The following FRMD3 variants were observed in gnomAD, a reference collection of about 807,000 sequenced individuals.
FRMD3 encodes the protein FERM domain containing 3, also known as FERM domain-containing protein 3.
In FRMD3, 33 loss-of-function variants were observed where a neutral mutation model predicts 70.2. That is an observed-to-expected ratio of 0.47 (90% CI 0.36 to 0.63). FRMD3 has a LOEUF of 0.63. Among genes scored for constraint, FRMD3 ranks in the 20% least tolerant of loss-of-function variants. FRMD3 has a pLI of 0.00. For missense variants in FRMD3, 632 were observed against 711.4 expected, an observed-to-expected ratio of 0.89 and a Z score of 1.27; for synonymous variants, 279 against 255.9, an observed-to-expected ratio of 1.09 and a Z score of -0.86.
chr9:83,482,227 T>C (rs934846944), intron 1 of FRMD3, among the ~76,000 whole-genome samples: 1 of 152,182 alleles, frequency 6.6e-6, no homozygotes, highest in East Asian at 1.9e-4. Flanking sequence ...TTTGAAAACT[T>C]TGAAGAATAT....
chr9:83,445,814 AG>A (rs1229925115), intron 1 of FRMD3, among the ~76,000 whole-genome samples: 2 of 152,318 alleles, frequency 1.3e-5, no homozygotes, highest in Non-Finnish European at 2.9e-5. Context: ...ATATAAGAAA[AG>A]GGGTGAGAAC....
chr9:83,395,616 G>C (rs1825791457), intron 1 of FRMD3, among the ~76,000 whole-genome samples: 1 of 152,094 alleles, frequency 6.6e-6, no homozygotes, highest in Non-Finnish European at 1.5e-5. Flanking sequence ...GTTTGCTAAG[G>C]ATAACTTTCC....
intron 1 of FRMD3, among the ~76,000 whole-genome samples, chr9:83,464,472 T>C (rs1828063772): frequency 6.6e-6 from 1 of 152,176 alleles, no homozygotes; most frequent in Non-Finnish European, 1.5e-5. Flanking sequence ...CTCTTTGCTC[T>C]AACAGCAAAT....
At chr9:83,576,661 G>A in the FRMD3 span, among the ~76,000 whole-genome samples, 3 of 151,958 alleles carry the variant, frequency 2.0e-5, no homozygotes, top group African/African-American at 4.8e-5. Context: ...AATAGTAAAA[G>A]ATTAAATACT....
At chr9:83,373,941 A>G (rs1250316209) in intron 2 of FRMD3, among the ~76,000 whole-genome samples, 1 of 152,096 alleles carries the variant, frequency 6.6e-6, no homozygotes, top group African/African-American at 2.4e-5. Context: ...TGTTATCCAT[A>G]TTCTTTGATG....
intron 1 of FRMD3, among the ~76,000 whole-genome samples, chr9:83,458,821 A>G (rs1433778077): frequency 2.6e-5 from 4 of 152,372 alleles, no homozygotes; most frequent in South Asian, 2.1e-4. Flanking sequence ...AACAGACACT[A>G]AATGAAAAAA....
chr9:83,511,335 G>C (rs764302241), intron 1 of FRMD3, among the ~76,000 whole-genome samples: 44 of 152,324 alleles, frequency 2.9e-4, no homozygotes, highest in Admixed American at 9.1e-4. Flanking sequence ...GAAGCTCAGA[G>C]AGGGCCCAGA....
At chr9:83,495,110 AT>A (rs1210038739) in intron 1 of FRMD3, among the ~76,000 whole-genome samples, 1 of 152,092 alleles carries the variant, frequency 6.6e-6, no homozygotes, top group Non-Finnish European at 1.5e-5. Flanking sequence ...CTCCCTCTAC[AT>A]TTATCTTTGT....
Position 83,506,353 on chromosome 9 carries a change from G to GCAATTTCATTGTA in FRMD3, c.147+31719_147+31731dup, listed in dbSNP as rs536542015. Among the ~76,000 whole-genome samples, 62 of 152,242 alleles carry GCAATTTCATTGTA rather than the reference G, an allele frequency of 4.1e-4. No homozygotes were observed. In the East Asian group the frequency reaches 0.011, roughly 26 times the overall value. On this transcript the variant is annotated intron_variant, in intron 1 of 13. Transcript: ENST00000304195. ...TACATTCTGAGAAATATGTTGTTAG[G>GCAATTTCATTGTA]CAATTTCATTGTACAAACCCAGCTG... is the stretch of plus-strand genomic sequence containing the variant.
intron 1 of FRMD3, among the ~76,000 whole-genome samples, chr9:83,501,822 G>T (rs1829075835): frequency 6.6e-6 from 1 of 152,158 alleles, no homozygotes; most frequent in African/African-American, 2.4e-5. Context: ...ATGAAGAGAT[G>T]CATCTGATTA....
At chr9:83,379,268 C>T (rs1587795135) in intron 2 of FRMD3, among the ~76,000 whole-genome samples, 2 of 152,240 alleles carry the variant, frequency 1.3e-5, no homozygotes, top group East Asian at 1.9e-4. Context: ...AGATGGATTA[C>T]ACTTGAGGGA....
intron 1 of FRMD3, among the ~76,000 whole-genome samples, chr9:83,471,590 G>T (rs544632498): frequency 3.3e-5 from 5 of 152,290 alleles, no homozygotes; most frequent in African/African-American, 9.6e-5. Context: ...CAAAGGAAGA[G>T]AGAGCATCAG....
intron 2 of FRMD3, among the ~76,000 whole-genome samples, chr9:83,373,281 T>C (rs2131258692): frequency 6.6e-6 from 1 of 152,336 alleles, no homozygotes; most frequent in Admixed American, 6.5e-5. Flanking sequence ...TGCATGGTTC[T>C]GTGAAAGCCG....
intron 1 of FRMD3, among the ~76,000 whole-genome samples, chr9:83,425,962 T>G (rs1339394386): frequency 1.4e-5 from 2 of 148,052 alleles, no homozygotes; most frequent in Non-Finnish European, 3.0e-5. Flanking sequence ...AGAACAGGGC[T>G]AGAAGAGGAA....
chr9:83,401,718 G>A (rs1825955557), intron 1 of FRMD3, among the ~76,000 whole-genome samples: 1 of 152,224 alleles, frequency 6.6e-6, no homozygotes, highest in South Asian at 2.1e-4. Context: ...AAGGAATGTG[G>A]TGAGTCCCAC....
chr9:83,331,901 G>A, intron 6 of FRMD3: 1 of 717,342 alleles, frequency 1.4e-6, no homozygotes, highest in South Asian at 1.5e-5. Context: ...TAAGATCTTG[G>A]GATGAGTCCT....
chr9:83,301,426 GGAGAA>G (rs2131017742), intron 10 of FRMD3, among the ~76,000 whole-genome samples: 1 of 152,054 alleles, frequency 6.6e-6, no homozygotes, highest in South Asian at 2.1e-4. Flanking sequence ...TCAAAGATTG[GGAGAA>G]GAGAAAGCTT....
At chr9:83,364,980 C>T (rs894811863) in intron 3 of FRMD3, among the ~76,000 whole-genome samples, 1 of 152,082 alleles carries the variant, frequency 6.6e-6, no homozygotes, top group Non-Finnish European at 1.5e-5. Flanking sequence ...TTTTTCTGTT[C>T]CACTGATTAT....
At chr9:83,265,794 T>C (rs929012399) in intron 13 of FRMD3, among the ~76,000 whole-genome samples, 5 of 152,228 alleles carry the variant, frequency 3.3e-5, no homozygotes, top group African/African-American at 9.6e-5. Context: ...CTTGTTAGAA[T>C]TTGCTTTTAG....
Sources: gnomAD v4.1 joint callset for allele counts (sites outside exome capture counted in the v4.1 genomes callset) on GRCh38, gnomAD v4.1.1 for gene constraint, MANE v1.5 for transcripts, NCBI Gene and HGNC (gene_info 2026-07-23, HGNC 2026-07-21) for gene names.